ADGRL2: variants seen among roughly 807,000 people sequenced by gnomAD.
ADGRL2 encodes adhesion G protein-coupled receptor L2, also known as calcium-independent alpha-latrotoxin receptor 2.
Under a neutral mutation model 157.4 loss-of-function variants are expected in ADGRL2, and 44 were observed. The ratio of observed to expected loss-of-function variants is 0.28; its 90% CI spans 0.22 to 0.36. The LOEUF is 0.36. Among genes scored for constraint, ADGRL2 ranks in the 10% least tolerant of loss-of-function variants. The pLI is 1.00. For synonymous variants in ADGRL2, 585 were observed against 624.7 expected (o/e 0.94, Z 0.95); for missense variants, 1,510 against 1,768.9 (o/e 0.85, Z 2.63).
intron 16 of ADGRL2, among the ~76,000 whole-genome samples, chr1:81,971,431 TGTTAG>T (rs1658712027): frequency 6.6e-6 from 1 of 152,198 alleles, no homozygotes; most frequent in Admixed American, 6.5e-5. Context: ...TTGGGGGTTC[TGTTAG>T]GTTCCATAGG....
intron 1 of ADGRL2, among the ~76,000 whole-genome samples, chr1:81,423,290 TC>T (rs2077157465): frequency 6.6e-6 from 1 of 152,228 alleles, no homozygotes; most frequent in Non-Finnish European, 1.5e-5. Context: ...GTACTCATAT[TC>T]AGGTCAAACT....
chr1:81,363,708 T>A (rs1194463227), intron 1 of ADGRL2, among the ~76,000 whole-genome samples: 1 of 152,164 alleles, frequency 6.6e-6, no homozygotes, highest in Non-Finnish European at 1.5e-5. Flanking sequence ...AGATTGTGTT[T>A]TGTTGATTTT....
intron 3 of ADGRL2, among the ~76,000 whole-genome samples, chr1:81,645,448 T>C (rs1336650411): frequency 7.2e-6 from 1 of 139,684 alleles, no homozygotes; most frequent in Non-Finnish European, 1.6e-5. Context: ...TACATTACAA[T>C]AAAAAATTCC....
In ADGRL2 at chr1:81,413,517, C is replaced by T. The variant is rs552357740; in HGVS notation, c.-301-31519C>T. 4.6e-5 allele frequency among the ~76,000 whole-genome samples: 7 copies of T among 151,866 alleles called. No individual in the cohort carries two copies. The South Asian group carries it at 8.3e-4, about 18-fold the overall frequency. On this transcript the variant is annotated intron_variant, in intron 1 of 24. Transcript: ENST00000370721. ...GCCCTTATGATATAGCTTATAAATA[C>T]AATATTCTATTAAGAATGTAATTGC...
At chr1:81,422,927 C>T (rs2077151272) in intron 1 of ADGRL2, among the ~76,000 whole-genome samples, 1 of 152,144 alleles carries the variant, frequency 6.6e-6, no homozygotes, top group African/African-American at 2.4e-5. Context: ...TTCGTGTTTC[C>T]TACAGCCTCC....
At chr1:81,646,255 C>A (rs1340655148) in intron 3 of ADGRL2, among the ~76,000 whole-genome samples, 3 of 152,130 alleles carry the variant, frequency 2.0e-5, no homozygotes, top group Non-Finnish European at 4.4e-5. Flanking sequence ...ACATTTCAAA[C>A]CTCATCTCTA....
chr1:81,721,836 A>C, intron 1 of ADGRL2: 3 of 917,250 alleles, frequency 3.3e-6, no homozygotes, highest in Non-Finnish European at 5.3e-6. Flanking sequence ...CAGAAAGCTA[A>C]ATCTGAAGAA....
At chr1:81,862,246 G>C (rs956805617) in intron 2 of ADGRL2, among the ~76,000 whole-genome samples, 1 of 152,006 alleles carries the variant, frequency 6.6e-6, no homozygotes, top group Admixed American at 6.6e-5. Flanking sequence ...TTCAAAAATA[G>C]ATAATTTTAA....
At chr1:81,741,847 A>G (rs2085082936) in intron 1 of ADGRL2, among the ~76,000 whole-genome samples, 2 of 151,882 alleles carry the variant, frequency 1.3e-5, no homozygotes. Flanking sequence ...ATATATTAAA[A>G]TTTTATCAAA....
chr1:81,358,776 G>A (rs556532383), intron 1 of ADGRL2, among the ~76,000 whole-genome samples: 2 of 152,180 alleles, frequency 1.3e-5, no homozygotes, highest in South Asian at 4.1e-4. Context: ...TGAAACAGAT[G>A]AGTTATAATA....
intron 2 of ADGRL2, among the ~76,000 whole-genome samples, chr1:81,551,776 A>G (rs770551191): frequency 6.6e-6 from 1 of 152,202 alleles, no homozygotes; most frequent in Admixed American, 6.5e-5. Context: ...CTTCTGAAAC[A>G]TATAGCTTTT....
At chr1:81,421,354 T>TACAATAATG (rs1231386259) in intron 1 of ADGRL2, among the ~76,000 whole-genome samples, 15 of 152,200 alleles carry the variant, frequency 9.9e-5, no homozygotes, top group African/African-American at 3.1e-4. Flanking sequence ...ACTAAAATTG[T>TACAATAATG]ACAATAATGG....
chr1:81,568,701 G>T (rs115417667), intron 2 of ADGRL2, among the ~76,000 whole-genome samples: 2,229 of 152,172 alleles, frequency 0.015, 60 homozygotes, highest in African/African-American at 0.051. Flanking sequence ...AATCTGCAAA[G>T]AATCATATTA....
chr1:81,954,365 A>G (rs1341704521), intron 10 of ADGRL2, among the ~76,000 whole-genome samples: 1 of 152,192 alleles, frequency 6.6e-6, no homozygotes, highest in Non-Finnish European at 1.5e-5. Context: ...GTGTATATGG[A>G]GTAAATTTCA....
chr1:81,747,189 GTGTA>G (rs2085317470), intron 1 of ADGRL2, among the ~76,000 whole-genome samples: 1 of 142,970 alleles, frequency 7.0e-6, no homozygotes, highest in Non-Finnish European at 1.5e-5. Flanking sequence ...ATATGTATGT[GTGTA>G]TGCATGTATA....
intron 2 of ADGRL2, among the ~76,000 whole-genome samples, chr1:81,769,032 G>T (rs1429658808): frequency 3.3e-5 from 5 of 152,072 alleles, no homozygotes; most frequent in African/African-American, 1.2e-4. Context: ...TTGCTGAGTA[G>T]AGATCGCGGC....
chr1:81,747,481 T>C (rs2085337878), intron 1 of ADGRL2, among the ~76,000 whole-genome samples: 1 of 151,874 alleles, frequency 6.6e-6, no homozygotes, highest in Non-Finnish European at 1.5e-5. Context: ...TTTGTATTTT[T>C]AGTAGAGACG....
upstream of ADGRL2, among the ~76,000 whole-genome samples, chr1:81,696,229 T>C (rs1270666561): frequency 6.6e-6 from 1 of 152,206 alleles, no homozygotes; most frequent in African/African-American, 2.4e-5. Flanking sequence ...GTAGATTTTT[T>C]TTTCAACAAA....
At chr1:81,603,507 C>T (rs1221018756) in intron 3 of ADGRL2, among the ~76,000 whole-genome samples, 1 of 152,200 alleles carries the variant, frequency 6.6e-6, no homozygotes, top group Non-Finnish European at 1.5e-5. Context: ...AATGCCCAGG[C>T]TGACCTACAG....
Sources: allele counts gnomAD v4.1 joint callset (sites outside exome capture counted in the v4.1 genomes callset), GRCh38; gene constraint gnomAD v4.1.1; transcripts MANE v1.5; gene names NCBI Gene and HGNC (gene_info 2026-07-23, HGNC 2026-07-21).